The following COQ9 variants were observed in gnomAD, a reference collection of about 807,000 sequenced individuals.
COQ9 encodes coenzyme Q9.
A neutral mutation model predicts 42.4 loss-of-function variants in COQ9; 35 were observed. The ratio of observed to expected loss-of-function variants is 0.83; its 90% CI spans 0.63 to 1.10. The LOEUF (loss-of-function observed/expected upper bound fraction) is 1.10. Among genes scored for constraint, COQ9 ranks in the 50% least tolerant of loss-of-function variants. COQ9 has a pLI of 0.00. For synonymous variants in COQ9, 155 were observed against 155.1 expected, an observed-to-expected ratio of 1.00 and a Z score of 0.00; for missense variants, 406 against 414.6, an observed-to-expected ratio of 0.98 and a Z score of 0.18.
In COQ9 at chr16:57,459,535, C is replaced by T. The variant is rs199500526; in HGVS notation, c.712-30C>T. ...AGGAACTGCCTCAGACTTGCACCAG[C>T]CCACAGCGGTAGTGTGGGTTTCTTT... On this transcript the variant is annotated intron_variant, in intron 6 of 8. Coordinates refer to ENST00000262507, the MANE Select transcript of COQ9 (RefSeq NM_020312.4). The T allele has an allele frequency of 5.5e-5, 89 of 1,613,702 alleles. No homozygotes were observed. The Admixed American group carries it at 1.5e-3, about 27-fold the overall frequency.
intron 2 of COQ9, 94 bp from the exon 3 acceptor site, chr16:57,452,707 G>T (rs1300357814): frequency 7.2e-7 from 1 of 1,386,516 alleles, no homozygotes; most frequent in Non-Finnish European, 1.0e-6. Flanking sequence ...TTCCCAGCAT[G>T]TGCTTAGAGG....
intron 1 of COQ9, among the ~76,000 whole-genome samples, chr16:57,448,795 A>G (rs758135501): frequency 1.3e-5 from 2 of 152,188 alleles, no homozygotes; most frequent in Non-Finnish European, 2.9e-5. Flanking sequence ...CACCAAGAGA[A>G]ATGAAGGTAT....
chr16:57,447,690 A>G (rs1304701277), intron 1 of COQ9, 112 bp downstream of exon 1: 1 of 956,158 alleles, frequency 1.0e-6, no homozygotes, highest in African/African-American at 1.7e-5. Flanking sequence ...CCCACGAGCA[A>G]GGTGAGGTGA....
chr16:57,448,192 C>T (rs748441803), intron 1 of COQ9, among the ~76,000 whole-genome samples: 1 of 152,256 alleles, frequency 6.6e-6, no homozygotes, highest in African/African-American at 2.4e-5. Flanking sequence ...TGTATTTCAC[C>T]TAAAATCTTC....
Position 57,459,548 on chromosome 16 carries a change from T to C in COQ9, c.712-17T>C. On this transcript the variant is annotated splice_polypyrimidine_tract_variant and intron_variant, in intron 6 of 8. Coordinates refer to ENST00000262507, the MANE Select transcript of COQ9 (RefSeq NM_020312.4). ...GACTTGCACCAGCCCACAGCGGTAGTGTGGGTTTCTTTACAGTTTAACTGG... is the reference window on the plus strand; with the variant it reads ...GACTTGCACCAGCCCACAGCGGTAGCGTGGGTTTCTTTACAGTTTAACTGG... 1 of 1,613,906 alleles carries C rather than the reference T, an allele frequency of 6.2e-7. No individual in the cohort carries two copies. Among genetic ancestry groups the C allele is most frequent in the Non-Finnish European group, 8.5e-7 (1 of 1,179,898 alleles).
chr16:57,451,353 G>A (rs1223209572), intron 2 of COQ9, 145 bp downstream of exon 2: 5 of 923,196 alleles, frequency 5.4e-6, no homozygotes, highest in Admixed American at 3.9e-5. Flanking sequence ...TTTATTTTTT[G>A]TAGTGATGGC....
At chr16:57,454,737 G>T (rs760350351) in intron 3 of COQ9, among the ~76,000 whole-genome samples, 3 of 152,194 alleles carry the variant, frequency 2.0e-5, no homozygotes, top group Non-Finnish European at 4.4e-5. Flanking sequence ...GGCTTTACCT[G>T]ACTTTGTGGG....
intron 1 of COQ9, chr16:57,447,787 G>T (rs1249343700): frequency 2.5e-6 from 1 of 399,124 alleles, no homozygotes; most frequent in East Asian, 3.6e-5. Context: ...GCGGGGCAGG[G>T]CCTGTCACCC....
chr16:57,447,812 T>G, intron 1 of COQ9: 1 of 385,150 alleles, frequency 2.6e-6, no homozygotes, highest in East Asian at 3.7e-5. Flanking sequence ...TTCATGGAGT[T>G]GGCAGAGCCT....
chr16:57,451,273 TTCCTCTC>T, intron 2 of COQ9, 65 bp downstream of exon 2: 1 of 1,497,544 alleles, frequency 6.7e-7, no homozygotes, highest in Non-Finnish European at 9.3e-7. Context: ...CCTCCTTCAC[TTCCTCTC>T]TCCTCTCCAT....
chr16:57,455,420 ATAAT>A (rs760443369), intron 3 of COQ9, among the ~76,000 whole-genome samples: 4 of 144,346 alleles, frequency 2.8e-5, no homozygotes, highest in Non-Finnish European at 4.6e-5. Context: ...TATATATAAA[ATAAT>A]TATGGAAGTC....
At chr16:57,450,702 A>G (rs1453420608) in intron 1 of COQ9, 3 of 376,328 alleles carry the variant, frequency 8.0e-6, no homozygotes, top group South Asian at 6.9e-5. Context: ...TGGGCCACAC[A>G]GTGCTCTCAT....
chr16:57,459,309 T>A (rs532988353), intron 6 of COQ9, among the ~76,000 whole-genome samples: 1 of 152,336 alleles, frequency 6.6e-6, no homozygotes, highest in Non-Finnish European at 1.5e-5. Flanking sequence ...ACTTATTAAG[T>A]TTCCTGATTC....
rs375877067 is a variant in COQ9 at position 57,457,116 on chromosome 16, G to T, written c.606+101G>T. 132 of 928,490 alleles carry T rather than the reference G, an allele frequency of 1.4e-4. No homozygotes were observed. In the East Asian group the frequency reaches 3.2e-3, roughly 22 times the overall value. 57.5% of individuals were successfully genotyped at this position (928,490 alleles called of 1,614,324 possible). A position where few individuals can be genotyped will look rare whatever the true frequency, so the allele number is the denominator to read the frequency against. On this transcript the variant is annotated intron_variant, in intron 5 of 8. Coordinates refer to ENST00000262507, the MANE Select transcript of COQ9 (RefSeq NM_020312.4). Reference sequence around the variant, plus strand: ...GACTTTGTACACTGTTCAGAACTTAGCTTCTCAATCTCTATAAACCCGACA... The same window carrying T: ...GACTTTGTACACTGTTCAGAACTTATCTTCTCAATCTCTATAAACCCGACA...
Position 57,456,602 on chromosome 16 carries a change from T to C in COQ9, c.477T>C (p.Arg159=). 6.2e-7 allele frequency: 1 copy of C among 1,614,076 alleles called. No individual in the cohort carries two copies. Among genetic ancestry groups the C allele is most frequent in the Admixed American group, 1.7e-5 (1 of 60,016 alleles). Residue 159 remains arginine (R), a synonymous_variant, in exon 4 of 9, where the codon CGT becomes CGC. Coordinates refer to ENST00000262507, the MANE Select transcript of COQ9 (RefSeq NM_020312.4). ...FVTQCNTRLT[R]VLEEEQKLVQ... ...CCCAGTGCAATACCCGGCTCACACGTGTGCTAGAAGAGGAGCAGAAGCTGG... is the reference window on the plus strand; with the variant it reads ...CCCAGTGCAATACCCGGCTCACACGCGTGCTAGAAGAGGAGCAGAAGCTGG...
intron 7 of COQ9, 106 bp from the exon 8 acceptor site, chr16:57,459,945 C>T (rs1268419705): frequency 2.6e-6 from 3 of 1,152,514 alleles, no homozygotes; most frequent in African/African-American, 1.5e-5. Context: ...ACGTGGCCCC[C>T]TTGTCTTCAC....
intron 1 of COQ9, among the ~76,000 whole-genome samples, chr16:57,449,097 G>A (rs1245226045): frequency 6.6e-6 from 1 of 152,102 alleles, no homozygotes; most frequent in Non-Finnish European, 1.5e-5. Context: ...AAATGAGGGA[G>A]GAGGGAGGAA....
intron 3 of COQ9, 38 bp downstream of exon 3, chr16:57,452,974 G>A (rs747849983): frequency 1.9e-6 from 3 of 1,612,388 alleles, no homozygotes; most frequent in Middle Eastern, 2.0e-4. Context: ...TAACCAAGAT[G>A]AGCCAGGATG....
intron 1 of COQ9, chr16:57,447,811 T>A: frequency 2.6e-6 from 1 of 386,284 alleles, no homozygotes. Flanking sequence ...TTTCATGGAG[T>A]TGGCAGAGCC....
Sources: allele counts gnomAD v4.1 joint callset (sites outside exome capture counted in the v4.1 genomes callset), GRCh38; gene constraint gnomAD v4.1.1; transcripts MANE v1.5; gene names NCBI Gene and HGNC (gene_info 2026-07-23, HGNC 2026-07-21).